Variants in GABBR2 observed in about 807,000 individuals in gnomAD.
The protein encoded by GABBR2 is gamma-aminobutyric acid type B receptor subunit 2, also known as G-protein coupled receptor 51.
Under a neutral mutation model 105.6 loss-of-function variants are expected in GABBR2, and 23 were observed. The observed-to-expected ratio is 0.22, with a 90% CI of 0.16 to 0.31. GABBR2 has a LOEUF of 0.31. GABBR2 is among the 10% of genes least tolerant of loss of function. The pLI is 1.00. For missense variants in GABBR2, 734 were observed against 1,245.5 expected, an observed-to-expected ratio of 0.59 and a Z score of 6.18; for synonymous variants, 478 against 499.7, an observed-to-expected ratio of 0.96 and a Z score of 0.58.
intron 1 of GABBR2, among the ~76,000 whole-genome samples, chr9:98,597,808 C>G (rs1166053067): frequency 1.3e-5 from 2 of 152,030 alleles, no homozygotes; most frequent in Admixed American, 6.6e-5. Flanking sequence ...TAAGTAAGCT[C>G]TTTTTATTTT....
chr9:98,446,223 C>A (rs1052076589), intron 7 of GABBR2, among the ~76,000 whole-genome samples: 1 of 151,896 alleles, frequency 6.6e-6, no homozygotes, highest in Non-Finnish European at 1.5e-5. Flanking sequence ...TTGATTAGAC[C>A]CACACAAACT....
At chr9:98,505,629 T>C (rs1343662901) in intron 3 of GABBR2, among the ~76,000 whole-genome samples, 2 of 152,304 alleles carry the variant, frequency 1.3e-5, no homozygotes, top group Admixed American at 6.5e-5. Flanking sequence ...GATGAGATCA[T>C]CCTGGATAAA....
At chr9:98,647,120 A>G (rs1277077526) in intron 1 of GABBR2, among the ~76,000 whole-genome samples, 1 of 152,232 alleles carries the variant, frequency 6.6e-6, no homozygotes, top group Non-Finnish European at 1.5e-5. Context: ...GAACAAACAC[A>G]GGTGAAGTGC....
At chr9:98,664,252 A>T (rs1830305210) in intron 1 of GABBR2, among the ~76,000 whole-genome samples, 1 of 152,200 alleles carries the variant, frequency 6.6e-6, no homozygotes, top group Non-Finnish European at 1.5e-5. Context: ...GTGGGAAGAG[A>T]ACGGCACAAA....
intron 1 of GABBR2, among the ~76,000 whole-genome samples, chr9:98,609,567 C>T (rs1829476639): frequency 6.6e-6 from 1 of 152,138 alleles, no homozygotes; most frequent in African/African-American, 2.4e-5. Flanking sequence ...TGGGCTGAGC[C>T]CTAAGCCCTA....
rs1203051526 is a variant in GABBR2, at chr9:98,484,399, T to C, written c.733-3402A>G. Among the ~76,000 whole-genome samples, 4 of 152,038 alleles carry C rather than the reference T, an allele frequency of 2.6e-5. No homozygotes were observed. The East Asian group carries it at 7.7e-4, about 29-fold the overall frequency. On this transcript the variant is annotated intron_variant, in intron 4 of 18. Coordinates refer to ENST00000259455, the MANE Select transcript of GABBR2 (RefSeq NM_005458.8). ...TCTCACTTTGGTTCTCCTTGACCAT[T>C]AGAGGGCCCTGGAGACAGATCCTAT...
chr9:98,386,212 G>GT (rs201485919), intron 10 of GABBR2, among the ~76,000 whole-genome samples: 10,940 of 136,354 alleles, frequency 0.08, 479 homozygotes, highest in Non-Finnish European at 0.1. Context: ...AAGTCAACAG[G>GT]TTTTTTTTTT....
chr9:98,470,168 T>C (rs1588178438), intron 6 of GABBR2, among the ~76,000 whole-genome samples: 2 of 152,278 alleles, frequency 1.3e-5, no homozygotes, highest in East Asian at 3.9e-4. Flanking sequence ...TGCAGGGCTG[T>C]ACTAGGTGAA....
intron 1 of GABBR2, among the ~76,000 whole-genome samples, chr9:98,618,047 G>A (rs1337569683): frequency 6.6e-6 from 1 of 152,160 alleles, no homozygotes; most frequent in Non-Finnish European, 1.5e-5. Context: ...TATAGAAAGT[G>A]CTCAAAAAAG....
At chr9:98,469,139 C>T (rs1293434403) in intron 6 of GABBR2, among the ~76,000 whole-genome samples, 1 of 152,200 alleles carries the variant, frequency 6.6e-6, no homozygotes, top group Non-Finnish European at 1.5e-5. Flanking sequence ...CTATAAAGAA[C>T]CACCTGAGAC....
intron 1 of GABBR2, among the ~76,000 whole-genome samples, chr9:98,600,972 C>T (rs1334674252): frequency 1.3e-5 from 2 of 152,156 alleles, no homozygotes; most frequent in African/African-American, 4.8e-5. Flanking sequence ...CTCTGGTCCC[C>T]CGGTGAGCAC....
intron 3 of GABBR2, among the ~76,000 whole-genome samples, chr9:98,534,557 T>C (rs558833781): frequency 1.2e-4 from 18 of 152,046 alleles, no homozygotes; most frequent in Non-Finnish European, 2.4e-4. Context: ...CCAACAACCC[T>C]AAGAGGTAGG....
intron 9 of GABBR2, among the ~76,000 whole-genome samples, chr9:98,392,391 G>A (rs1450087988): frequency 6.6e-6 from 1 of 152,236 alleles, no homozygotes; most frequent in Non-Finnish European, 1.5e-5. Context: ...CCGATCTTGG[G>A]GATCAGGGCT....
At chr9:98,606,544 A>G (rs1241282592) in intron 1 of GABBR2, among the ~76,000 whole-genome samples, 1 of 143,066 alleles carries the variant, frequency 7.0e-6, no homozygotes, top group Non-Finnish European at 1.5e-5. Context: ...GCAATGGCAC[A>G]GTCTTGGCTC....
chr9:98,551,042 G>A (rs1397104004), intron 2 of GABBR2, among the ~76,000 whole-genome samples: 1 of 152,076 alleles, frequency 6.6e-6, no homozygotes, highest in Non-Finnish European at 1.5e-5. Flanking sequence ...CCACCCAATC[G>A]GCCAGCCACA....
intron 1 of GABBR2, among the ~76,000 whole-genome samples, chr9:98,627,910 C>G (rs1305201584): frequency 1.3e-5 from 2 of 152,206 alleles, no homozygotes; most frequent in African/African-American, 4.8e-5. Flanking sequence ...AGCCTGGAGT[C>G]TTAAATTGGC....
intron 3 of GABBR2, among the ~76,000 whole-genome samples, chr9:98,529,393 T>A (rs1828022427): frequency 6.6e-6 from 1 of 152,258 alleles, no homozygotes; most frequent in Non-Finnish European, 1.5e-5. Context: ...TTTGCTGACC[T>A]GGGAAAACAT....
chr9:98,480,313 T>A (rs2131641739), intron 5 of GABBR2, among the ~76,000 whole-genome samples: 1 of 152,282 alleles, frequency 6.6e-6, no homozygotes, highest in Non-Finnish European at 1.5e-5. Flanking sequence ...AGAAAACCTT[T>A]TTTTTTTAGA....
At position 98,451,618 on chromosome 9, in the gene GABBR2, G is replaced by A. The variant is rs192350444; in HGVS notation, c.1236+2363C>T. Among the ~76,000 whole-genome samples, 3 of 152,278 alleles carry A rather than the reference G, an allele frequency of 2.0e-5. No homozygotes were observed. The East Asian group carries it at 5.8e-4, about 29-fold the overall frequency. Reference sequence around the variant, plus strand: ...AACACAGATGGCTGGGCCCCACCCCGAGAGGTTCTGATTTAATGGGCCCAT... The same window carrying A: ...AACACAGATGGCTGGGCCCCACCCCAAGAGGTTCTGATTTAATGGGCCCAT... On this transcript the variant is annotated intron_variant, in intron 7 of 18. Transcript: ENST00000259455.
Sources: gnomAD v4.1 joint callset for allele counts (sites outside exome capture counted in the v4.1 genomes callset) on GRCh38, gnomAD v4.1.1 for gene constraint, MANE v1.5 for transcripts, NCBI Gene and HGNC (gene_info 2026-07-23, HGNC 2026-07-21) for gene names.